The following KIF13B variants were observed in gnomAD, a reference collection of about 807,000 sequenced individuals.
KIF13B encodes kinesin-like protein KIF13B.
Under a neutral mutation model 222.0 loss-of-function variants are expected in KIF13B, and 127 were observed. That is an observed-to-expected ratio of 0.57 (90% CI 0.50 to 0.66). KIF13B has a LOEUF of 0.66. Among genes scored for constraint, KIF13B ranks in the 30% least tolerant of loss-of-function variants. The pLI, the probability that KIF13B is intolerant of heterozygous loss-of-function variation, is 0.00. For missense variants in KIF13B, 2,173 were observed against 2,379.0 expected, an observed-to-expected ratio of 0.91 and a Z score of 1.80; for synonymous variants, 976 against 919.0, an observed-to-expected ratio of 1.06 and a Z score of -1.12.
At chr8:29,249,868 A>G (rs1816204215) in intron 1 of KIF13B, 1 of 411,120 alleles carries the variant, frequency 2.4e-6, no homozygotes, top group Non-Finnish European at 4.6e-6. Context: ...ACCATGGTCA[A>G]CTGGCATTAA....
intron 2 of KIF13B, chr8:29,219,494 ATGCCT>A (rs1814644908): frequency 1.3e-5 from 2 of 152,204 alleles, no homozygotes. Flanking sequence ...ACGGTGCCTC[ATGCCT>A]GTAATCCCAG....
chr8:29,173,837 G>A (rs944913162), intron 10 of KIF13B, among the ~76,000 whole-genome samples: 12 of 151,632 alleles, frequency 7.9e-5, no homozygotes, highest in East Asian at 7.8e-4. Flanking sequence ...CCAGCTACTC[G>A]GGAGGCTGAG....
intron 32 of KIF13B, among the ~76,000 whole-genome samples, chr8:29,112,076 T>G (rs566386421): frequency 6.6e-6 from 1 of 152,232 alleles, no homozygotes. Context: ...CTATCCAACA[T>G]GACTTGAGAG....
intron 9 of KIF13B, 47 bp downstream of exon 9, chr8:29,177,419 G>T: frequency 8.4e-7 from 1 of 1,191,600 alleles, no homozygotes; most frequent in Non-Finnish European, 1.3e-6. Context: ...TCCCCTATTG[G>T]CTATTAAATA....
intron 37 of KIF13B, among the ~76,000 whole-genome samples, chr8:29,083,918 G>C (rs1161599648): frequency 6.6e-6 from 1 of 151,968 alleles, no homozygotes; most frequent in Non-Finnish European, 1.5e-5. Context: ...TGTGTTTTTT[G>C]TTTGTTTGTT....
At chr8:29,214,521 T>C (rs1408412799) in intron 2 of KIF13B, among the ~76,000 whole-genome samples, 1 of 152,200 alleles carries the variant, frequency 6.6e-6, no homozygotes, top group Non-Finnish European at 1.5e-5. Context: ...CATGGAGCTG[T>C]CATCTCCTGT....
intron 10 of KIF13B, among the ~76,000 whole-genome samples, chr8:29,172,082 C>T (rs1207237087): frequency 1.9e-4 from 22 of 113,262 alleles, no homozygotes; most frequent in South Asian, 3.0e-4. Context: ...ATTTTCTTTT[C>T]TTTTTTTTTT....
intron 37 of KIF13B, among the ~76,000 whole-genome samples, chr8:29,078,470 A>C (rs1563682466): frequency 6.6e-6 from 1 of 152,138 alleles, no homozygotes; most frequent in Non-Finnish European, 1.5e-5. Context: ...CCGTGTGCTC[A>C]TCCTTCACAC....
At position 29,260,762 on chromosome 8, in the gene KIF13B, G is replaced by A. The variant is rs558013141; in HGVS notation, c.55+2218C>T. On this transcript the variant is annotated intron_variant, in intron 1 of 39. Transcript: ENST00000524189. ...CTCCTTAGTAGCTGGGATTACAGGC[G>A]TCCACCACCACGCCCGGCTAATTTT... is the stretch of plus-strand genomic sequence containing the variant. 2.3e-3 allele frequency among the ~76,000 whole-genome samples: 356 copies of A among 152,030 alleles called. 1 individual carries two copies. Among genetic ancestry groups the A allele is most frequent in the Non-Finnish European group, 4.5e-3 (307 of 67,962 alleles).
At chr8:29,155,485 G>A (rs941240472) in intron 14 of KIF13B, among the ~76,000 whole-genome samples, 2 of 152,180 alleles carry the variant, frequency 1.3e-5, no homozygotes, top group African/African-American at 4.8e-5. Flanking sequence ...GGCAGCTCGT[G>A]GTGTTGGCAG....
intron 37 of KIF13B, among the ~76,000 whole-genome samples, chr8:29,083,500 T>TG (rs1284685689): frequency 6.6e-6 from 1 of 152,102 alleles, no homozygotes; most frequent in African/African-American, 2.4e-5. Context: ...TCCTCTTACT[T>TG]GCTGAAGGGA....
rs1316808283 is a variant in KIF13B at position 29,071,068 on chromosome 8, C to A, written c.5219-302G>T. On this transcript the variant is annotated intron_variant, in intron 39 of 39. Coordinates refer to ENST00000524189, the MANE Select transcript of KIF13B (RefSeq NM_015254.4). This position sits in a 1 kb window ranked among gnomAD's most constrained non-coding sequence, Gnocchi z 4.9. The stretch of plus-strand genomic sequence containing the variant: ...GGCCCTGGGGAGTGCCTTGTGGAAG[C>A]ATAGGTGCAGGCCAGCCACTAAGGC... 6.6e-6 allele frequency among the ~76,000 whole-genome samples: 1 copy of A among 152,190 alleles called. No individual in the cohort carries two copies. The highest frequency in any genetic ancestry group is 2.1e-4 in the South Asian group (1 of 4,834).
intron 8 of KIF13B, among the ~76,000 whole-genome samples, chr8:29,179,673 G>A (rs1454610149): frequency 2.6e-5 from 4 of 152,180 alleles, no homozygotes; most frequent in Middle Eastern, 3.2e-3. Context: ...TGCTGGCAGC[G>A]GGACTGGGGA....
intron 37 of KIF13B, among the ~76,000 whole-genome samples, chr8:29,083,360 A>C (rs780375740): frequency 1.3e-5 from 2 of 152,192 alleles, no homozygotes; most frequent in Non-Finnish European, 2.9e-5. Flanking sequence ...CAAATCCTAA[A>C]ATATTTACAA....
rs182951364 is a variant in KIF13B at position 29,254,526 on chromosome 8, T to C, written c.55+8454A>G. ...GTGAATAGAGATCTCTCTCAAGCTA[T>C]ACAAACGGCCAATATGCACATGAAA... On this transcript the variant is annotated intron_variant, in intron 1 of 39. Coordinates refer to ENST00000524189, the MANE Select transcript of KIF13B (RefSeq NM_015254.4). Among the ~76,000 whole-genome samples, 45 of 152,334 alleles carry C rather than the reference T, an allele frequency of 3.0e-4. 1 individual carries two copies. The East Asian group carries it at 8.7e-3, about 29-fold the overall frequency.
At chr8:29,189,660 G>T (rs1022586731) in intron 4 of KIF13B, 1 of 152,284 alleles carries the variant, frequency 6.6e-6, no homozygotes, top group Non-Finnish European at 1.5e-5. Flanking sequence ...ACTGAAAGGC[G>T]CAGGGGCGGT....
chr8:29,146,960 G>A (rs962536141), intron 17 of KIF13B, among the ~76,000 whole-genome samples: 2 of 152,140 alleles, frequency 1.3e-5, no homozygotes, highest in Admixed American at 1.3e-4. Flanking sequence ...ATGGGATAAG[G>A]CATTTCAATG....
At chr8:29,227,352 T>C (rs1048088435) in intron 2 of KIF13B, among the ~76,000 whole-genome samples, 4 of 152,114 alleles carry the variant, frequency 2.6e-5, no homozygotes, top group Admixed American at 6.5e-5. Flanking sequence ...TGCAATGTCA[T>C]GATCTCAGCT....
chr8:29,110,142 C>A, intron 32 of KIF13B, 72 bp from the exon 33 acceptor site: 1 of 1,238,842 alleles, frequency 8.1e-7, no homozygotes, highest in Non-Finnish European at 1.1e-6. Flanking sequence ...CGTGCACACA[C>A]AGACACACAG....
Sources: gnomAD v4.1 joint callset for allele counts (sites outside exome capture counted in the v4.1 genomes callset) on GRCh38, gnomAD v4.1.1 for gene constraint, Gnocchi (gnomAD v3.1) non-coding constraint, MANE v1.5 for transcripts, NCBI Gene and HGNC (gene_info 2026-07-23, HGNC 2026-07-21) for gene names.